The following GRIN2B variants were observed in gnomAD, a reference collection of about 807,000 sequenced individuals.
GRIN2B encodes glutamate receptor ionotropic, NMDA 2B.
In GRIN2B, 5 loss-of-function variants were observed where a neutral mutation model predicts 114.5. That is an observed-to-expected ratio of 0.04 (90% CI 0.02 to 0.09). The LOEUF is 0.09. Among genes scored for constraint, GRIN2B ranks in the 10% least tolerant of loss-of-function variants. The pLI is 1.00. For synonymous variants in GRIN2B, 787 were observed against 745.1 expected (o/e 1.06, Z -0.92); for missense variants, 1,108 against 1,943.5 (o/e 0.57, Z 8.08).
chr12:13,614,016 C>CAAA (rs77527098), intron 8 of GRIN2B, among the ~76,000 whole-genome samples: 357 of 92,552 alleles, frequency 3.9e-3, no homozygotes, highest in African/African-American at 7.3e-3. Flanking sequence ...CCTTGCACAG[C>CAAA]AAAAAAAAAA....
intron 4 of GRIN2B, among the ~76,000 whole-genome samples, chr12:13,677,959 T>C (rs769003463): frequency 3.3e-5 from 5 of 152,140 alleles, no homozygotes; most frequent in Non-Finnish European, 7.3e-5. Flanking sequence ...GAGGTTAAAT[T>C]ATTTTCCAAT....
At chr12:13,763,503 C>A (rs1451353135) in intron 3 of GRIN2B, among the ~76,000 whole-genome samples, 1 of 152,192 alleles carries the variant, frequency 6.6e-6, no homozygotes, top group Non-Finnish European at 1.5e-5. Context: ...CTGCCTAAAT[C>A]CTTGATGCTG....
intron 4 of GRIN2B, among the ~76,000 whole-genome samples, chr12:13,717,546 G>A (rs1197892443): frequency 6.6e-6 from 1 of 151,878 alleles, no homozygotes; most frequent in African/African-American, 2.4e-5. Flanking sequence ...CTATACAATA[G>A]GGCTCCTGGC....
At position 13,564,731 on chromosome 12, in the gene GRIN2B, A is replaced by G. The variant is rs1948615793; in HGVS notation, c.2599-92T>C. The G allele has an allele frequency of 2.7e-5, 31 of 1,141,448 alleles. 1 individual carries two copies. The South Asian group carries it at 3.1e-4, about 11-fold the overall frequency. 70.7% of individuals were successfully genotyped at this position (1,141,448 alleles called of 1,614,324 possible). On this transcript the variant is annotated intron_variant, in intron 13 of 13. Coordinates refer to ENST00000609686, the MANE Select transcript of GRIN2B (RefSeq NM_000834.5). This position sits in a 1 kb window ranked among gnomAD's most constrained non-coding sequence, Gnocchi z 4.8. ...TCCCACCAATAATTGCTCCAACTGG[A>G]TAAGAAAAAGGGAAAGCATGAAGCG...
At chr12:13,709,576 T>C (rs558893236) in intron 4 of GRIN2B, among the ~76,000 whole-genome samples, 1 of 152,116 alleles carries the variant, frequency 6.6e-6, no homozygotes, top group South Asian at 2.1e-4. Flanking sequence ...ATGTTAGTAA[T>C]AGAGGAAAGA....
intron 3 of GRIN2B, among the ~76,000 whole-genome samples, chr12:13,786,203 A>G (rs1380077238): frequency 4.6e-5 from 7 of 152,194 alleles, no homozygotes; most frequent in Admixed American, 2.0e-4. Flanking sequence ...TGCTTTAATC[A>G]TCCATAGTTA....
intron 3 of GRIN2B, among the ~76,000 whole-genome samples, chr12:13,855,452 G>A (rs1309828513): frequency 2.6e-5 from 4 of 152,038 alleles, no homozygotes; most frequent in Non-Finnish European, 2.9e-5. Context: ...CAGAAGACTC[G>A]GGGGCTTAAA....
At position 13,537,715 on chromosome 12, in the gene GRIN2B, C is replaced by T; in HGVS notation, c.*25068G>A. The T allele has an allele frequency of 6.6e-6, 1 of 152,384 alleles. No individual in the cohort carries two copies. The highest frequency in any genetic ancestry group is 1.5e-5 in the Non-Finnish European group (1 of 68,096). The allele number at this position is 152,384 out of a possible 1,614,324, so 9.4% of individuals were successfully genotyped here. On this transcript the variant is annotated 3_prime_UTR_variant, in exon 14 of 14. Coordinates refer to ENST00000609686, the MANE Select transcript of GRIN2B (RefSeq NM_000834.5). ...AGTTTTCAACCCCTAACCCCTCCAG[C>T]CACCCAGGACAATTGAATGAGACTC...
intron 3 of GRIN2B, among the ~76,000 whole-genome samples, chr12:13,818,987 G>A (rs1864881120): frequency 6.6e-6 from 1 of 152,176 alleles, no homozygotes; most frequent in Admixed American, 6.5e-5. Context: ...AAGCTCAACT[G>A]TGTCCCTCCA....
At position 13,792,764 on chromosome 12, in the gene GRIN2B, C is replaced by G. The variant is rs574201934; in HGVS notation, c.412-38849G>C. Among the ~76,000 whole-genome samples, 19 of 13,014 alleles carry G rather than the reference C, an allele frequency of 1.5e-3. No homozygotes were observed. The Admixed American group carries it at 0.026, about 18-fold the overall frequency. The allele number at this position is 13,014 out of a possible 152,430, so 8.5% of individuals were successfully genotyped here. On this transcript the variant is annotated intron_variant, in intron 3 of 13. Transcript: ENST00000609686. ...TGCCTAACACATATAGTGGTCCCCACTGCAATTAGAACAGGAAACATTGGC... is the reference window on the plus strand; with the variant it reads ...TGCCTAACACATATAGTGGTCCCCAGTGCAATTAGAACAGGAAACATTGGC...
rs1037210139 is a variant in GRIN2B, at chr12:13,882,901, G to A, written c.-18-16675C>T. ...TATTTCCATCACCCCAAATATTTCC[G>A]TGTTCCTTTATAATCAATCCCTTAG... On this transcript the variant is annotated intron_variant, in intron 2 of 13. Coordinates refer to ENST00000609686, the MANE Select transcript of GRIN2B (RefSeq NM_000834.5). Among the ~76,000 whole-genome samples the A allele has an allele frequency of 5.3e-5, 8 of 152,070 alleles. No individual in the cohort carries two copies. In the East Asian group the frequency reaches 9.6e-4, roughly 18 times the overall value.
intron 5 of GRIN2B, among the ~76,000 whole-genome samples, chr12:13,620,933 C>A (rs1279741309): frequency 3.3e-5 from 4 of 122,852 alleles, no homozygotes; most frequent in Admixed American, 1.9e-4. Context: ...TCCTTGAGTA[C>A]TGAAAGGTGA....
rs114397606 is a variant in GRIN2B at position 13,838,435 on chromosome 12, T to A, written c.411+27363A>T. Among the ~76,000 whole-genome samples the A allele has an allele frequency of 4.8e-3, 735 of 152,248 alleles. 9 individuals carry two copies. The highest frequency in any genetic ancestry group is 0.017 in the African/African-American group (704 of 41,552). On this transcript the variant is annotated intron_variant, in intron 3 of 13. Transcript: ENST00000609686. ...GTAACCTTTCTTACCTTCCTAGTTC[T>A]CTCTCCTTTCCTCAGTTGAATAACC...
At chr12:13,954,053 C>T (rs964120816) in intron 2 of GRIN2B, among the ~76,000 whole-genome samples, 1 of 152,190 alleles carries the variant, frequency 6.6e-6, no homozygotes, top group Non-Finnish European at 1.5e-5. Flanking sequence ...TGAGTTCTGG[C>T]CCTGGACCAG....
In GRIN2B at chr12:13,639,914, A is replaced by C. The variant is rs79450979; in HGVS notation, c.1126-23257T>G. 8.4e-3 allele frequency among the ~76,000 whole-genome samples: 1,274 copies of C among 151,716 alleles called. 45 individuals carry two copies. In the East Asian group the frequency reaches 0.12, roughly 14 times the overall value. On this transcript the variant is annotated intron_variant, in intron 5 of 13. Transcript: ENST00000609686. ...TCACTTCCTCCGCCTCTTACTCTTCACCTTCTCTTCTTCTTTTTACACTTT... is the reference window on the plus strand; with the variant it reads ...TCACTTCCTCCGCCTCTTACTCTTCCCCTTCTCTTCTTCTTTTTACACTTT...
At position 13,561,196 on chromosome 12, in the gene GRIN2B, A is replaced by G. The variant is rs1948538227; in HGVS notation, c.*1587T>C. On this transcript the variant is annotated 3_prime_UTR_variant, in exon 14 of 14. Coordinates refer to ENST00000609686, the MANE Select transcript of GRIN2B (RefSeq NM_000834.5). ...CATCCCTGGAGTTTTATACATGTAT[A>G]TCTTTTTTTATTCCTCAATGGTACA... The G allele has an allele frequency of 6.6e-6, 1 of 152,008 alleles. No homozygotes were observed. Among genetic ancestry groups the G allele is most frequent in the Admixed American group, 6.5e-5 (1 of 15,270 alleles). The allele number at this position is 152,008 out of a possible 1,614,324, so 9.4% of individuals were successfully genotyped here. A position where few individuals can be genotyped will look rare whatever the true frequency, so the allele number is the denominator to read the frequency against.
chr12:13,818,763 C>T (rs1310152689), intron 3 of GRIN2B, among the ~76,000 whole-genome samples: 1 of 152,182 alleles, frequency 6.6e-6, no homozygotes, highest in Non-Finnish European at 1.5e-5. Flanking sequence ...GTCCCAGAGA[C>T]TGGTCCAACC....
At chr12:13,810,373 C>T (rs188448659) in intron 3 of GRIN2B, among the ~76,000 whole-genome samples, 61 of 151,870 alleles carry the variant, frequency 4.0e-4, no homozygotes, top group African/African-American at 1.1e-3. Flanking sequence ...TGTGTGTGCG[C>T]GCATTTGGTT....
intron 3 of GRIN2B, among the ~76,000 whole-genome samples, chr12:13,847,479 A>G (rs1865489743): frequency 6.6e-6 from 1 of 152,176 alleles, no homozygotes; most frequent in African/African-American, 2.4e-5. Context: ...AGAGCAGACC[A>G]CCTGGGAACT....
Sources: gnomAD v4.1 joint callset for allele counts (sites outside exome capture counted in the v4.1 genomes callset) on GRCh38, gnomAD v4.1.1 for gene constraint, Gnocchi (gnomAD v3.1) non-coding constraint, MANE v1.5 for transcripts, NCBI Gene and HGNC (gene_info 2026-07-23, HGNC 2026-07-21) for gene names.